ZNF280C: variants seen among roughly 807,000 people sequenced by gnomAD.
ZNF280C encodes the protein suppressor of hairy wing homolog 3.
In ZNF280C, 14 loss-of-function variants were observed where a neutral mutation model predicts 53.6. The observed-to-expected ratio is 0.26, with a 90% confidence interval of 0.17 to 0.41. The LOEUF is 0.41. ZNF280C is among the 10% of genes least tolerant of loss of function. The pLI is 1.00. For missense variants in ZNF280C, 416 were observed against 547.1 expected (o/e 0.76, Z 2.39); for synonymous variants, 203 against 181.1 (o/e 1.12, Z -0.97).
intron 2 of ZNF280C, among the ~76,000 whole-genome samples, chrX:130,260,147 T>A (rs990545620): frequency 9.1e-6 from 1 of 109,957 alleles, no homozygotes; most frequent in Non-Finnish European, 1.9e-5. Flanking sequence ...CTGGGTGTGG[T>A]GGTGGGCGCC....
At chrX:130,244,465 T>C (rs766318021) in intron 3 of ZNF280C, among the ~76,000 whole-genome samples, 1 of 111,527 alleles carries the variant, frequency 9.0e-6, no homozygotes, top group East Asian at 2.8e-4. Flanking sequence ...ATTTTCCTTT[T>C]TTCTCTCCTA....
At chrX:130,259,946 C>T (rs1315695907) in intron 2 of ZNF280C, among the ~76,000 whole-genome samples, 6 of 109,497 alleles carry the variant, frequency 5.5e-5, no homozygotes, top group Admixed American at 9.8e-5. Context: ...GCCGAGATCA[C>T]GCCACTGCAC....
At chrX:130,237,529 C>A (rs2032347293) in intron 6 of ZNF280C, among the ~76,000 whole-genome samples, 1 of 111,284 alleles carries the variant, frequency 9.0e-6, no homozygotes, top group African/African-American at 3.3e-5. Context: ...AGGCTATAAC[C>A]AGACCCAGCA....
At chrX:130,253,842 T>C (rs1338341878) in intron 2 of ZNF280C, among the ~76,000 whole-genome samples, 1 of 111,843 alleles carries the variant, frequency 8.9e-6, no homozygotes, top group Non-Finnish European at 1.9e-5. Context: ...ATTCTGGACA[T>C]AGGAATGGCC....
intron 15 of ZNF280C, among the ~76,000 whole-genome samples, chrX:130,214,984 T>A (rs1054639537): frequency 8.9e-6 from 1 of 112,175 alleles, no homozygotes; most frequent in African/African-American, 3.2e-5. Flanking sequence ...TTAATTTCAT[T>A]AGTCTAATTG....
intron 2 of ZNF280C, among the ~76,000 whole-genome samples, chrX:130,252,814 G>A (rs1188050107): frequency 2.7e-5 from 3 of 111,585 alleles, no homozygotes; most frequent in African/African-American, 9.8e-5. Context: ...ACATCATACA[G>A]AATGGGCACA....
intron 12 of ZNF280C, among the ~76,000 whole-genome samples, chrX:130,222,331 C>CACACACACACACACACACACA (rs60553619): frequency 9.6e-6 from 1 of 103,907 alleles, no homozygotes; most frequent in Admixed American, 1.1e-4. Flanking sequence ...CACACACACA[C>CACACACACACACACACACACA]CCTTCTCTAC....
rs1277202617 is a variant in ZNF280C at position 130,239,640 on chromosome X, A to C, written c.435T>G (p.Phe145Leu). The C allele has an allele frequency of 2.5e-6, 3 of 1,201,874 alleles. No homozygotes were observed. In the African/African-American group the frequency reaches 5.3e-5, roughly 21 times the overall value. The stretch of plus-strand genomic sequence containing the variant: ...GTGGTAGTGATTCCTGGGTCGAGTC[A>C]AACAGTAAAATTGAAGAATTATCCG... ...VGSDNSSILL[F>L]DSTQESLPPS... Residue 145 changes from phenylalanine to leucine, a missense_variant, in exon 6 of 19, where the codon TTT becomes TTG. Phe to Leu is a conservative substitution (Grantham distance 22). This residue lies in a region of ZNF280C where 193 missense variants were observed against 201.4 expected (regional missense o/e 0.96). Coordinates refer to ENST00000370978, the MANE Select transcript of ZNF280C (RefSeq NM_017666.5).
rs186707785 is a variant in ZNF280C, at chrX:130,234,595, T to C, written c.771+1619A>G. On this transcript the variant is annotated intron_variant, in intron 8 of 18. Transcript: ENST00000370978. ...CTTTGAAATAGTGAACAATTCCTTT[T>C]CCTAAGTTGCTTCTTTGCTTTGCAC... 8.9e-5 allele frequency among the ~76,000 whole-genome samples: 10 copies of C among 112,440 alleles called. No homozygotes were observed. In the East Asian group the frequency reaches 2.8e-3, roughly 31 times the overall value.
At chrX:130,242,010 C>G (rs753987692) in intron 5 of ZNF280C, among the ~76,000 whole-genome samples, 262 of 52,425 alleles carry the variant, frequency 5.0e-3, no homozygotes, top group African/African-American at 0.012. Context: ...CGGGGGGGGG[C>G]GGGTGGCAGA....
At chrX:130,244,977 A>C (rs2032435865) in intron 3 of ZNF280C, among the ~76,000 whole-genome samples, 1 of 111,197 alleles carries the variant, frequency 9.0e-6, no homozygotes, top group Non-Finnish European at 1.9e-5. Flanking sequence ...ATTCAAGATA[A>C]GTATTACTCA....
intron 12 of ZNF280C, among the ~76,000 whole-genome samples, chrX:130,226,480 T>C (rs2032222282): frequency 1.8e-5 from 2 of 111,714 alleles, no homozygotes; most frequent in Admixed American, 1.9e-4. Context: ...TCCTCCACTT[T>C]GGGGTTCCTA....
intron 13 of ZNF280C, among the ~76,000 whole-genome samples, chrX:130,218,225 T>C (rs1398700094): frequency 1.8e-5 from 2 of 111,208 alleles, no homozygotes; most frequent in East Asian, 5.6e-4. Context: ...GAGGTCAAAA[T>C]GTAATATAGA....
intron 16 of ZNF280C, among the ~76,000 whole-genome samples, chrX:130,206,389 CG>C (rs2031975430): frequency 1.3e-5 from 1 of 76,640 alleles, no homozygotes; most frequent in South Asian, 8.2e-4. Flanking sequence ...TTTTTTGAGA[CG>C]GAGTCTGGCT....
intron 2 of ZNF280C, among the ~76,000 whole-genome samples, chrX:130,252,588 C>T (rs1276499659): frequency 2.7e-5 from 3 of 110,005 alleles, no homozygotes; most frequent in African/African-American, 1.0e-4. Context: ...GGTGTGGTGG[C>T]GCGTGTCTGC....
chrX:130,238,609 A>C (rs1296074889), intron 6 of ZNF280C, among the ~76,000 whole-genome samples: 1 of 111,159 alleles, frequency 9.0e-6, no homozygotes, highest in African/African-American at 3.3e-5. Context: ...AAGAATTCAG[A>C]CTTTTTCCAT....
chrX:130,253,861 C>G (rs977030635), intron 2 of ZNF280C, among the ~76,000 whole-genome samples: 5 of 112,125 alleles, frequency 4.5e-5, no homozygotes, highest in Admixed American at 2.8e-4. Flanking sequence ...CCAAAGACTT[C>G]ATGACAAAGA....
In ZNF280C at chrX:130,220,370, T is replaced by G. The variant is rs768549334; in HGVS notation, c.1506A>C (p.Glu502Asp). 1 of 1,173,920 alleles carries G rather than the reference T, an allele frequency of 8.5e-7. No homozygotes were observed. Among genetic ancestry groups the G allele is most frequent in the Non-Finnish European group, 1.1e-6 (1 of 878,189 alleles). The change falls in exon 13 of 19, where the codon GAA (glutamate) becomes GAC (aspartate). Residue 502 changes from glutamate (E) to aspartate (D), a missense_variant. This residue lies in a region of ZNF280C where 72 missense variants were observed against 168.8 expected (regional missense o/e 0.43). Transcript: ENST00000370978. ...HRTFIKPKELEGLPPGAKVTI... is the reference protein window; with the variant it reads ...HRTFIKPKELDGLPPGAKVTI... ...TCACTTTTGCTCCAGGAGGCAATCCTTCTAGTTCTTTAGGCTTTATAAATG... is the reference window on the plus strand; with the variant it reads ...TCACTTTTGCTCCAGGAGGCAATCCGTCTAGTTCTTTAGGCTTTATAAATG...
In ZNF280C at chrX:130,246,908, A is replaced by G. The variant is rs2032456268; in HGVS notation, c.129T>C (p.Asp43=). ...ATATCTCTCCAACAAAGATCAGTTCATCGTCATCCTCATCCTGAGTTTCTT... is the reference window on the plus strand; with the variant it reads ...ATATCTCTCCAACAAAGATCAGTTCGTCGTCATCCTCATCCTGAGTTTCTT... The part of the protein sequence containing the change: ...KVEETQDEDD[D]ELIFVGEISS... Residue 43 remains aspartate (D), a synonymous_variant, in exon 3 of 19, where the codon GAT becomes GAC. Transcript: ENST00000370978. 1 of 1,211,673 alleles carries G rather than the reference A, an allele frequency of 8.3e-7. No homozygotes were observed.
Sources: gnomAD v4.1 joint callset for allele counts (sites outside exome capture counted in the v4.1 genomes callset) on GRCh38, gnomAD v4.1.1 for gene constraint, gnomAD v4.1.1 regional missense constraint, MANE v1.5 for transcripts, NCBI Gene and HGNC (gene_info 2026-07-23, HGNC 2026-07-21) for gene names.